Variants in SLC9A9 observed in about 807,000 individuals in gnomAD.
The protein encoded by SLC9A9 is solute carrier family 9 member A9.
A neutral mutation model predicts 77.8 loss-of-function variants in SLC9A9; 62 were observed. That is an observed-to-expected ratio of 0.80 (90% CI 0.65 to 0.98). The LOEUF is 0.98. Among genes scored for constraint, SLC9A9 ranks in the 50% least tolerant of loss-of-function variants. The pLI is 0.00. For missense variants in SLC9A9, 775 were observed against 774.9 expected, an observed-to-expected ratio of 1.00 and a Z score of 0.00; for synonymous variants, 320 against 283.5, an observed-to-expected ratio of 1.13 and a Z score of -1.29.
At chr3:143,833,648 C>A (rs1401722112) in intron 1 of SLC9A9, among the ~76,000 whole-genome samples, 2 of 152,064 alleles carry the variant, frequency 1.3e-5, no homozygotes, top group Admixed American at 6.6e-5. Context: ...TGTATGTAGA[C>A]CAGGATCTAC....
At chr3:143,806,065 T>TC (rs1221293125) in intron 2 of SLC9A9, among the ~76,000 whole-genome samples, 1 of 150,046 alleles carries the variant, frequency 6.7e-6, no homozygotes, top group African/African-American at 2.5e-5. Context: ...TTTATTCTTT[T>TC]CCCCCCCACC....
intron 14 of SLC9A9, among the ~76,000 whole-genome samples, chr3:143,289,593 C>T (rs1938479936): frequency 6.6e-6 from 1 of 152,168 alleles, no homozygotes. Flanking sequence ...TTTCCTCTCC[C>T]TTCTGCACAA....
chr3:143,525,376 T>A lies in SLC9A9; in HGVS notation c.1089+26986A>T, dbSNP rs560396920. 1.2e-4 allele frequency among the ~76,000 whole-genome samples: 18 copies of A among 152,330 alleles called. No homozygotes were observed. In the South Asian group the frequency reaches 3.5e-3, roughly 30 times the overall value. On this transcript the variant is annotated intron_variant, in intron 9 of 15. Transcript: ENST00000316549. ...GATTCTATCTGATCCATTTTGTAGA[T>A]GAAGCCTCTGTGGCTTAGGAAAGTT... is the stretch of plus-strand genomic sequence containing the variant.
At chr3:143,394,482 C>T (rs1234050144) in intron 12 of SLC9A9, among the ~76,000 whole-genome samples, 1 of 152,068 alleles carries the variant, frequency 6.6e-6, no homozygotes, top group South Asian at 2.1e-4. Flanking sequence ...TATGACAAAC[C>T]CACAGTCAGT....
chr3:143,777,217 A>G (rs1436623879), intron 4 of SLC9A9, among the ~76,000 whole-genome samples: 1 of 152,196 alleles, frequency 6.6e-6, no homozygotes, highest in Non-Finnish European at 1.5e-5. Flanking sequence ...CTGGACAATC[A>G]GAGTTACTCG....
intron 5 of SLC9A9, among the ~76,000 whole-genome samples, chr3:143,689,105 G>T (rs1933371363): frequency 6.6e-6 from 1 of 151,564 alleles, no homozygotes; most frequent in Non-Finnish European, 1.5e-5. Flanking sequence ...AGTTTTTATT[G>T]TCTACTGCAT....
At chr3:143,481,383 A>G (rs939591324) in intron 11 of SLC9A9, among the ~76,000 whole-genome samples, 2 of 152,230 alleles carry the variant, frequency 1.3e-5, no homozygotes, top group African/African-American at 4.8e-5. Flanking sequence ...TGGATGTGGA[A>G]AGGGTTCCAG....
intron 4 of SLC9A9, among the ~76,000 whole-genome samples, chr3:143,709,234 C>A (rs1385173223): frequency 6.6e-6 from 1 of 152,134 alleles, no homozygotes; most frequent in Admixed American, 6.5e-5. Flanking sequence ...AATCATGATG[C>A]CAAGGCTGTA....
At chr3:143,746,762 AC>A (rs1222524528) in intron 4 of SLC9A9, among the ~76,000 whole-genome samples, 1 of 152,162 alleles carries the variant, frequency 6.6e-6, no homozygotes, top group African/African-American at 2.4e-5. Context: ...ATTAATATAA[AC>A]AAAATTAGAA....
chr3:143,644,849 G>A (rs1050174711), intron 6 of SLC9A9, among the ~76,000 whole-genome samples: 2 of 152,002 alleles, frequency 1.3e-5, no homozygotes, highest in African/African-American at 4.8e-5. Flanking sequence ...CAGTTTTCAA[G>A]GCAAATATCA....
At chr3:143,339,536 C>T (rs996888318) in intron 14 of SLC9A9, among the ~76,000 whole-genome samples, 4 of 151,824 alleles carry the variant, frequency 2.6e-5, no homozygotes, top group Non-Finnish European at 4.4e-5. Context: ...TCCCCCCCTT[C>T]TACACTGGCA....
chr3:143,355,248 G>C (rs1305805588), intron 14 of SLC9A9, among the ~76,000 whole-genome samples: 2 of 152,052 alleles, frequency 1.3e-5, no homozygotes, highest in Admixed American at 6.6e-5. Flanking sequence ...ATTATTACAA[G>C]TATATAAAAT....
chr3:143,410,230 T>C (rs1210618160), intron 12 of SLC9A9, among the ~76,000 whole-genome samples: 1 of 152,176 alleles, frequency 6.6e-6, no homozygotes, highest in Non-Finnish European at 1.5e-5. Context: ...GTTTTTTGCT[T>C]ATTTGTTGCC....
At chr3:143,333,477 A>T (rs1199424430) in intron 14 of SLC9A9, among the ~76,000 whole-genome samples, 3 of 152,214 alleles carry the variant, frequency 2.0e-5, no homozygotes, top group Non-Finnish European at 4.4e-5. Flanking sequence ...CTCTCTATAC[A>T]ACCAAGGCAG....
At chr3:143,375,095 T>C (rs1449453483) in intron 13 of SLC9A9, among the ~76,000 whole-genome samples, 2 of 152,220 alleles carry the variant, frequency 1.3e-5, no homozygotes, top group Non-Finnish European at 2.9e-5. Context: ...ATTCTGCAGT[T>C]GTTTGGTATA....
At chr3:143,565,848 G>A (rs1559970416) in intron 8 of SLC9A9, among the ~76,000 whole-genome samples, 1 of 152,044 alleles carries the variant, frequency 6.6e-6, no homozygotes, top group African/African-American at 2.4e-5. Context: ...CTAATGACAC[G>A]TATTTGGAAG....
chr3:143,660,514 AT>A (rs2038962469), intron 5 of SLC9A9, among the ~76,000 whole-genome samples: 1 of 152,214 alleles, frequency 6.6e-6, no homozygotes. Context: ...CAGTAGGTTG[AT>A]TTTCACCTTG....
At chr3:143,286,291 C>T (rs1376872051) in intron 14 of SLC9A9, among the ~76,000 whole-genome samples, 4 of 152,132 alleles carry the variant, frequency 2.6e-5, no homozygotes, top group African/African-American at 4.8e-5. Context: ...TCTCAATAAA[C>T]CTTCCCAGGA....
intron 6 of SLC9A9, among the ~76,000 whole-genome samples, chr3:143,598,046 C>A (rs1189266230): frequency 6.6e-6 from 1 of 152,126 alleles, no homozygotes; most frequent in Admixed American, 6.5e-5. Flanking sequence ...TACCCACTTA[C>A]CAATTCCCTG....
Sources: allele counts gnomAD v4.1 joint callset (sites outside exome capture counted in the v4.1 genomes callset), GRCh38; gene constraint gnomAD v4.1.1; transcripts MANE v1.5; gene names NCBI Gene and HGNC (gene_info 2026-07-23, HGNC 2026-07-21).